SRFBP1: variants seen among roughly 807,000 people sequenced by gnomAD.
SRFBP1 encodes serum response factor-binding protein 1.
Under a neutral mutation model 45.5 loss-of-function variants are expected in SRFBP1, and 47 were observed. That is an observed-to-expected ratio of 1.03 (90% CI 0.82 to 1.32). The LOEUF is 1.32. SRFBP1 is among the 40% of genes most tolerant of loss of function. SRFBP1 has a pLI of 0.00. For synonymous variants in SRFBP1, 203 were observed against 166.3 expected, an observed-to-expected ratio of 1.22 and a Z score of -1.70; for missense variants, 621 against 484.6, an observed-to-expected ratio of 1.28 and a Z score of -2.64.
chr5:122,023,066 G>A (rs1003031541), intron 7 of SRFBP1, among the ~76,000 whole-genome samples: 1 of 152,220 alleles, frequency 6.6e-6, no homozygotes, highest in Non-Finnish European at 1.5e-5. Flanking sequence ...GCAGGTGTTT[G>A]TGAGCAAGGC....
rs1006312357 is a variant in SRFBP1 at position 122,071,390 on chromosome 5, T to C, written n.312-3925T>C. Among the ~76,000 whole-genome samples, 7 of 152,284 alleles carry C rather than the reference T, an allele frequency of 4.6e-5. No homozygotes were observed. The East Asian group carries it at 1.2e-3, about 25-fold the overall frequency. ...AAGGTCCAGAGTCCCTGTTCTTAAC[T>C]ACCCCACTATACTCTCTCTCATACA... On this transcript the variant is annotated intron_variant and non_coding_transcript_variant, in intron 2 of 2. Coordinates refer to the SRFBP1 transcript ENST00000504881.
rs1752555966 is a variant in SRFBP1 at position 121,988,305 on chromosome 5, TA to T, written c.199-6290del. ...TCTTGGGTCATGATTTCCTCTTCTA[TA>T]AAATGAGTGGGTCAGGAGTCCCCAA... is the stretch of plus-strand genomic sequence containing the variant. On this transcript the variant is annotated intron_variant, in intron 3 of 7. Transcript: ENST00000339397. 2.0e-5 allele frequency among the ~76,000 whole-genome samples: 3 copies of T among 152,272 alleles called. No homozygotes were observed. The South Asian group carries it at 6.2e-4, about 32-fold the overall frequency.
downstream of SRFBP1, among the ~76,000 whole-genome samples, chr5:122,032,821 G>T (rs1753611596): frequency 6.6e-6 from 1 of 152,216 alleles, no homozygotes. Flanking sequence ...GTGTCAGAAT[G>T]TAAATGCATA....
chr5:121,975,283 C>T (rs1317575990), intron 2 of SRFBP1, 32 bp from the exon 3 acceptor site: 1 of 1,605,112 alleles, frequency 6.2e-7, no homozygotes, highest in South Asian at 1.1e-5. Flanking sequence ...TAATGCTTTG[C>T]CTGGCTACAT....
At chr5:121,963,597 C>T (rs542587959) in intron 1 of SRFBP1, among the ~76,000 whole-genome samples, 11 of 152,260 alleles carry the variant, frequency 7.2e-5, no homozygotes, top group South Asian at 6.2e-4. Flanking sequence ...TCATTAACTC[C>T]TCTCGGTCTG....
At chr5:122,015,011 A>G (rs950478746) in intron 4 of SRFBP1, among the ~76,000 whole-genome samples, 2 of 152,188 alleles carry the variant, frequency 1.3e-5, no homozygotes, top group Non-Finnish European at 2.9e-5. Flanking sequence ...ATATCTGTTC[A>G]TATATTGAGA....
chr5:122,003,382 A>C (rs2112687072), intron 4 of SRFBP1, among the ~76,000 whole-genome samples: 1 of 151,804 alleles, frequency 6.6e-6, no homozygotes, highest in Admixed American at 6.5e-5. Flanking sequence ...TTATCCCTAA[A>C]ATGGTTTTAA....
At chr5:121,973,266 A>C (rs373525334) in intron 1 of SRFBP1, among the ~76,000 whole-genome samples, 2 of 151,846 alleles carry the variant, frequency 1.3e-5, no homozygotes, top group African/African-American at 2.4e-5. Flanking sequence ...CAGAATCTGT[A>C]TAGTGGGGAC....
Position 121,974,373 on chromosome 5 carries a change from A to G in SRFBP1, c.125+89A>G, listed in dbSNP as rs1200597454. 2.2e-5 allele frequency: 20 copies of G among 908,940 alleles called. No individual in the cohort carries two copies. In the East Asian group the frequency reaches 5.3e-4, roughly 24 times the overall value. The allele number at this position is 908,940 out of a possible 1,614,324, so 56.3% of individuals were successfully genotyped here. On this transcript the variant is annotated intron_variant, in intron 2 of 7. Transcript: ENST00000339397. ...CTTTAAAATGTTTAGGGTGGGATAT[A>G]GAGAAGTAATTAAATGTCTTATACA...
intron 4 of SRFBP1, among the ~76,000 whole-genome samples, chr5:122,002,048 T>C (rs1320868385): frequency 6.6e-6 from 1 of 152,218 alleles, no homozygotes; most frequent in Non-Finnish European, 1.5e-5. Flanking sequence ...TTGAATTATT[T>C]ATTAAATACA....
chr5:122,011,796 A>AGTCT (rs1753099594), intron 4 of SRFBP1, among the ~76,000 whole-genome samples: 1 of 152,108 alleles, frequency 6.6e-6, no homozygotes, highest in Non-Finnish European at 1.5e-5. Context: ...GGAGGGAAAG[A>AGTCT]GTCTGTTCTA....
At chr5:122,039,837 A>C (rs1554059095) in intron 2 of SRFBP1, among the ~76,000 whole-genome samples, 1 of 152,162 alleles carries the variant, frequency 6.6e-6, no homozygotes, top group Non-Finnish European at 1.5e-5. Flanking sequence ...TTGGGATCTA[A>C]CTATTCTATT....
At chr5:121,963,904 T>C (rs1752005626) in intron 1 of SRFBP1, among the ~76,000 whole-genome samples, 2 of 151,110 alleles carry the variant, frequency 1.3e-5, no homozygotes, top group Admixed American at 6.6e-5. Context: ...TACATAAAAA[T>C]TGAATAACCT....
intron 2 of SRFBP1, among the ~76,000 whole-genome samples, chr5:122,035,959 T>C (rs1029062563): frequency 6.6e-5 from 10 of 152,188 alleles, no homozygotes; most frequent in Non-Finnish European, 1.3e-4. Flanking sequence ...AGTTCAATAC[T>C]CCTCTCCTAC....
intron 2 of SRFBP1, among the ~76,000 whole-genome samples, chr5:122,034,434 T>C (rs1158878336): frequency 1.3e-5 from 2 of 152,064 alleles, no homozygotes; most frequent in Non-Finnish European, 2.9e-5. Flanking sequence ...CTTTTTTTAA[T>C]GCCCTTAGCG....
At chr5:121,962,654 C>G (rs1751974123) in intron 1 of SRFBP1, among the ~76,000 whole-genome samples, 1 of 152,134 alleles carries the variant, frequency 6.6e-6, no homozygotes, top group African/African-American at 2.4e-5. Context: ...TTTTTCAGTC[C>G]ATTCTCATCA....
Position 122,019,228 on chromosome 5 carries a change from C to A in SRFBP1, c.271-32C>A, listed in dbSNP as rs761775964. On this transcript the variant is annotated intron_variant, in intron 4 of 7. Coordinates refer to ENST00000339397, the MANE Select transcript of SRFBP1 (RefSeq NM_152546.3). ...TCAATAGTGTCATTTTTATTTCATT[C>A]CCATACGTTTATTATATTTTTAAAT... is the stretch of plus-strand genomic sequence containing the variant. The A allele has an allele frequency of 3.2e-6, 5 of 1,551,706 alleles. No homozygotes were observed. The South Asian group carries it at 5.6e-5, about 18-fold the overall frequency.
intron 1 of SRFBP1, among the ~76,000 whole-genome samples, chr5:121,965,134 T>C (rs1752036308): frequency 6.6e-6 from 1 of 152,212 alleles, no homozygotes; most frequent in African/African-American, 2.4e-5. Flanking sequence ...TCCCATTCTG[T>C]AGGTTGCATG....
chr5:122,054,207 G>A (rs1409822873), intron 2 of SRFBP1, among the ~76,000 whole-genome samples: 3 of 152,218 alleles, frequency 2.0e-5, no homozygotes, highest in East Asian at 1.9e-4. Flanking sequence ...CCCTGCCTCA[G>A]TCTGGGAGTG....
Sources: allele counts gnomAD v4.1 joint callset (sites outside exome capture counted in the v4.1 genomes callset), GRCh38; gene constraint gnomAD v4.1.1; transcripts MANE v1.5; gene names NCBI Gene and HGNC (gene_info 2026-07-23, HGNC 2026-07-21).